Variants in JMY observed in about 807,000 individuals in gnomAD.
JMY encodes junction-mediating and -regulatory protein.
Under a neutral mutation model 103.3 loss-of-function variants are expected in JMY, and 46 were observed. The observed-to-expected ratio is 0.45, with a 90% confidence interval of 0.35 to 0.57. The LOEUF (loss-of-function observed/expected upper bound fraction) is 0.57, where lower values mean the gene tolerates loss of function less well. JMY is among the 20% of genes least tolerant of loss of function. The pLI, the probability that JMY is intolerant of heterozygous loss-of-function variation, is 0.00. For missense variants in JMY, 1,238 were observed against 1,255.2 expected (o/e 0.99, Z 0.21); for synonymous variants, 526 against 489.3 (o/e 1.07, Z -0.99).
At chr5:79,259,173 G>A (rs141810401) in intron 1 of JMY, among the ~76,000 whole-genome samples, 448 of 152,248 alleles carry the variant, frequency 2.9e-3, no homozygotes, top group African/African-American at 0.01. Context: ...CTGCTGGGCA[G>A]GTCATCCCGA....
intron 1 of JMY, among the ~76,000 whole-genome samples, chr5:79,238,167 A>G (rs1014462874): frequency 5.9e-5 from 9 of 152,140 alleles, no homozygotes; most frequent in Non-Finnish European, 1.2e-4. Flanking sequence ...ATTCATTTTT[A>G]AACGAGTGAC....
chr5:79,250,055 G>C (rs73772724), intron 1 of JMY, among the ~76,000 whole-genome samples: 1 of 152,154 alleles, frequency 6.6e-6, no homozygotes, highest in African/African-American at 2.4e-5. Flanking sequence ...TATAGAAACC[G>C]TCATAAATGT....
intron 1 of JMY, among the ~76,000 whole-genome samples, chr5:79,270,467 A>G (rs192851989): frequency 0.016 from 1,118 of 71,764 alleles, 104 homozygotes; most frequent in East Asian, 0.038. Context: ...AATATTTAAA[A>G]TGTATATTTA....
intron 1 of JMY, among the ~76,000 whole-genome samples, chr5:79,275,448 A>C (rs1243896484): frequency 6.6e-6 from 1 of 152,200 alleles, no homozygotes; most frequent in Non-Finnish European, 1.5e-5. Flanking sequence ...GGCGTGAGCC[A>C]CCGTGCCTGG....
chr5:79,300,467 G>C (rs1746700403), intron 5 of JMY, 149 bp downstream of exon 5: 3 of 813,238 alleles, frequency 3.7e-6, no homozygotes, highest in Non-Finnish European at 5.6e-6. Context: ...AGCATTTATT[G>C]AGCACTTACT....
At chr5:79,275,925 C>A (rs938751598) in intron 1 of JMY, among the ~76,000 whole-genome samples, 4 of 152,160 alleles carry the variant, frequency 2.6e-5, no homozygotes. Context: ...AGCATGATTA[C>A]ACATATGAAC....
Position 79,236,398 on chromosome 5 carries a change from G to C in JMY, c.-253G>C, listed in dbSNP as rs1290329153. 1 of 337,094 alleles carries C rather than the reference G, an allele frequency of 3.0e-6. No homozygotes were observed. Among genetic ancestry groups the C allele is most frequent in the Non-Finnish European group, 5.3e-6 (1 of 186,972 alleles). 20.9% of individuals were successfully genotyped at this position (337,094 alleles called of 1,614,324 possible). ...TGCGGCAGCGCGGAGCTTGTAAACA[G>C]ATCCGGCCGCAGGTGACCATGTGAA... On this transcript the variant is annotated 5_prime_UTR_variant, in exon 1 of 11. Transcript: ENST00000396137.
chr5:79,251,910 G>A (rs370413600), intron 1 of JMY, among the ~76,000 whole-genome samples: 1 of 152,258 alleles, frequency 6.6e-6, no homozygotes. Flanking sequence ...GAGTAGCTGG[G>A]ATTACAGGCA....
intron 1 of JMY, among the ~76,000 whole-genome samples, chr5:79,239,672 G>T (rs1015391618): frequency 1.3e-5 from 2 of 151,998 alleles, no homozygotes; most frequent in Non-Finnish European, 2.9e-5. Context: ...TTAGCCGGGT[G>T]TGGTGGCGGG....
rs1746411315 is a variant in JMY, at chr5:79,291,225, T to C, written c.1453T>C (p.Ser485Pro). The part of the protein sequence containing the change: ...ERMEKLQYAV[S>P]KETLQMMRAK... The stretch of plus-strand genomic sequence containing the variant: ...GATGGAAAAACTCCAGTATGCAGTT[T>C]CTAAGGAAACTTTGCAGATGATGAG... The change falls in exon 4 of 11, where the codon TCT becomes CCT. Residue 485 changes from serine (S) to proline (P), a missense_variant. Ser to Pro is a moderately conservative substitution (Grantham distance 74). Coordinates refer to ENST00000396137, the MANE Select transcript of JMY (RefSeq NM_152405.5). 1 of 1,613,498 alleles carries C rather than the reference T, an allele frequency of 6.2e-7. No homozygotes were observed. Among genetic ancestry groups the C allele is most frequent in the Non-Finnish European group, 8.5e-7 (1 of 1,179,772 alleles).
intron 1 of JMY, among the ~76,000 whole-genome samples, chr5:79,246,886 A>C (rs765830789): frequency 2.0e-5 from 3 of 152,158 alleles, no homozygotes; most frequent in Non-Finnish European, 4.4e-5. Context: ...CATCTCAAAA[A>C]AAAAAAAGTA....
intron 1 of JMY, among the ~76,000 whole-genome samples, chr5:79,240,950 T>G (rs962125477): frequency 3.9e-5 from 6 of 152,242 alleles, no homozygotes; most frequent in African/African-American, 7.2e-5. Context: ...GTTTATCTGA[T>G]AAATCAAATG....
intron 7 of JMY, 122 bp from the exon 8 acceptor site, chr5:79,312,277 CAAAA>C (rs563411030): frequency 2.1e-6 from 1 of 467,744 alleles, no homozygotes; most frequent in East Asian, 3.4e-5. Context: ...GTTTCATGAA[CAAAA>C]AAAAATTTTG....
At position 79,300,304 on chromosome 5, in the gene JMY, A is replaced by G; in HGVS notation, c.1679A>G (p.Lys560Arg). ...TTGACAGCGCAACTAGAAAGCATCA[A>G]AAGACTTATATCAGGTATGGCGTGC... ...LLLTAQLESI[K>R]RLISEKRDEV... Residue 560 changes from lysine to arginine, a missense_variant, in exon 5 of 11, where the codon AAA (lysine) becomes AGA (arginine). Transcript: ENST00000396137. The G allele has an allele frequency of 6.4e-7, 1 of 1,572,018 alleles. No individual in the cohort carries two copies. The highest frequency in any genetic ancestry group is 8.6e-7 in the Non-Finnish European group (1 of 1,162,382).
At chr5:79,267,627 C>T (rs1337244905) in intron 1 of JMY, among the ~76,000 whole-genome samples, 1 of 152,200 alleles carries the variant, frequency 6.6e-6, no homozygotes, top group Non-Finnish European at 1.5e-5. Flanking sequence ...GTTGCCCAGG[C>T]TGGTCTCAAA....
In JMY at chr5:79,236,808, G is replaced by A; in HGVS notation, c.158G>A (p.Arg53Lys). 6.7e-7 allele frequency: 1 copy of A among 1,486,496 alleles called. No individual in the cohort carries two copies. Among genetic ancestry groups the A allele is most frequent in the Non-Finnish European group, 9.0e-7 (1 of 1,115,008 alleles). 92.1% of individuals were successfully genotyped at this position (1,486,496 alleles called of 1,614,324 possible). A position where few individuals can be genotyped will look rare whatever the true frequency, so the allele number is the denominator to read the frequency against. ...ACCTGCCACAACCGGACGGCCCAGA[G>A]GCAGAGGAGCGGCTCCCGGGAGCAA... ...AITCHNRTAQ[R>K]QRSGSREQAG... is the part of the protein sequence containing the mutation. Residue 53 changes from arginine to lysine, a missense_variant, in exon 1 of 11, where the codon AGG (arginine) becomes AAG (lysine). Transcript: ENST00000396137.
rs982667169 is a variant in JMY at position 79,244,378 on chromosome 5, ATAT to A, written c.1032+6703_1032+6705del. On this transcript the variant is annotated intron_variant, in intron 1 of 10. Coordinates refer to ENST00000396137, the MANE Select transcript of JMY (RefSeq NM_152405.5). ...GGTTAACTTAGACAACACTTCAGTGATATTATTATAAGGGAGTGTGTATGTGTG... is the reference window on the plus strand; with the variant it reads ...GGTTAACTTAGACAACACTTCAGTGATATTATAAGGGAGTGTGTATGTGTG... 3.2e-4 allele frequency among the ~76,000 whole-genome samples: 49 copies of A among 152,250 alleles called. 1 individual carries two copies. Among genetic ancestry groups the A allele is most frequent in the Non-Finnish European group, 2.2e-4 (15 of 68,010 alleles).
chr5:79,289,453 A>G (rs1451588648), intron 2 of JMY, among the ~76,000 whole-genome samples: 2 of 152,114 alleles, frequency 1.3e-5, no homozygotes, highest in Non-Finnish European at 2.9e-5. Flanking sequence ...TATATGGTAA[A>G]GCAAGATTGT....
intron 2 of JMY, among the ~76,000 whole-genome samples, chr5:79,281,279 C>T (rs1196942085): frequency 6.0e-5 from 9 of 151,214 alleles, no homozygotes; most frequent in East Asian, 1.9e-4. Context: ...CTCCTGACCT[C>T]GTGATCCACC....
Sources: allele counts gnomAD v4.1 joint callset (sites outside exome capture counted in the v4.1 genomes callset), GRCh38; gene constraint gnomAD v4.1.1; transcripts MANE v1.5; gene names NCBI Gene and HGNC (gene_info 2026-07-23, HGNC 2026-07-21).